The following NR3C2 variants were observed in gnomAD, a reference collection of about 807,000 sequenced individuals.
The protein encoded by NR3C2 is mineralocorticoid receptor.
Under a neutral mutation model 86.4 loss-of-function variants are expected in NR3C2, and 15 were observed. The observed-to-expected ratio is 0.17, with a 90% confidence interval of 0.12 to 0.27. NR3C2 has a LOEUF of 0.27. NR3C2 is among the 10% of genes least tolerant of loss of function. The pLI is 1.00. For synonymous variants in NR3C2, 458 were observed against 450.5 expected (o/e 1.02, Z -0.21); for missense variants, 960 against 1,195.6 (o/e 0.80, Z 2.91).
At chr4:148,205,748 A>T (rs528378285) in intron 3 of NR3C2, among the ~76,000 whole-genome samples, 1 of 152,304 alleles carries the variant, frequency 6.6e-6, no homozygotes, top group East Asian at 1.9e-4. Flanking sequence ...TACAGAAGAG[A>T]AAGTAACTAT....
chr4:148,171,686 C>A (rs1227613693), intron 4 of NR3C2, among the ~76,000 whole-genome samples: 1 of 152,220 alleles, frequency 6.6e-6, no homozygotes. Flanking sequence ...CAGTTCCTAA[C>A]AGGTCAGGGA....
intron 6 of NR3C2, among the ~76,000 whole-genome samples, chr4:148,136,069 AAAAAAAAC>A (rs1733309153): frequency 3.2e-4 from 28 of 87,070 alleles, no homozygotes; most frequent in African/African-American, 1.1e-3. Context: ...AAAAAAAAAA[AAAAAAAAC>A]AAAAAAAAAA....
intron 2 of NR3C2, among the ~76,000 whole-genome samples, chr4:148,426,082 C>T (rs1349941649): frequency 6.6e-6 from 1 of 152,146 alleles, no homozygotes; most frequent in African/African-American, 2.4e-5. Context: ...AAACAAAATC[C>T]TTACTCTGAA....
chr4:148,386,669 G>A (rs1414001742), intron 2 of NR3C2, among the ~76,000 whole-genome samples: 1 of 152,132 alleles, frequency 6.6e-6, no homozygotes, highest in African/African-American at 2.4e-5. Flanking sequence ...CTAGGGTCAG[G>A]CCCCGCGGTC....
At chr4:148,286,523 A>T (rs1324630779) in intron 2 of NR3C2, among the ~76,000 whole-genome samples, 1 of 152,244 alleles carries the variant, frequency 6.6e-6, no homozygotes, top group Non-Finnish European at 1.5e-5. Flanking sequence ...TAATTCATTA[A>T]GTAAAATAGC....
intron 2 of NR3C2, among the ~76,000 whole-genome samples, chr4:148,326,825 T>C (rs1743992925): frequency 1.3e-5 from 2 of 152,314 alleles, no homozygotes; most frequent in South Asian, 4.1e-4. Context: ...AGGTATTCCA[T>C]TGTCTAATTC....
intron 2 of NR3C2, among the ~76,000 whole-genome samples, chr4:148,320,293 T>G (rs9654229): frequency 2.8e-5 from 2 of 71,804 alleles, no homozygotes; most frequent in Non-Finnish European, 5.0e-5. Flanking sequence ...TTTTATTGAG[T>G]ATTTTTGCAT....
intron 3 of NR3C2, among the ~76,000 whole-genome samples, chr4:148,195,185 C>T (rs1049300906): frequency 1.3e-5 from 2 of 152,242 alleles, no homozygotes; most frequent in African/African-American, 4.8e-5. Context: ...ATCACAACAG[C>T]ACCAATCTAA....
intron 4 of NR3C2, among the ~76,000 whole-genome samples, chr4:148,178,454 T>C (rs576730360): frequency 6.6e-6 from 1 of 151,840 alleles, no homozygotes; most frequent in African/African-American, 2.4e-5. Context: ...AATACGTAAA[T>C]AAAAATTAGG....
rs1561015048 is a variant in NR3C2, at chr4:148,278,114, TTG to T, written c.1758-17999_1758-17998del. On this transcript the variant is annotated intron_variant, in intron 2 of 8. Transcript: ENST00000358102. ...GTTTTTTGTTTGTTTGTTTGTTTGT[TTG>T]TTTGAGACAGGTTCTCGCTCTGTTA... Among the ~76,000 whole-genome samples the T allele has an allele frequency of 1.3e-4, 5 of 39,614 alleles. No individual in the cohort carries two copies. In the African/African-American group the frequency reaches 1.4e-3, roughly 11 times the overall value. The allele number at this position is 39,614 out of a possible 152,430, so 26.0% of individuals were successfully genotyped here.
At chr4:148,238,285 G>A (rs1433656833) in intron 3 of NR3C2, among the ~76,000 whole-genome samples, 1 of 152,064 alleles carries the variant, frequency 6.6e-6, no homozygotes, top group Non-Finnish European at 1.5e-5. Flanking sequence ...GATCCTGTAA[G>A]ACAAAAATAA....
rs1222229969 is a variant in NR3C2 at position 148,436,566 on chromosome 4, C to T, written c.295G>A (p.Ala99Thr). The T allele has an allele frequency of 3.1e-6, 5 of 1,614,214 alleles. No individual in the cohort carries two copies. Among genetic ancestry groups the T allele is most frequent in the Non-Finnish European group, 4.2e-6 (5 of 1,180,040 alleles). The stretch of plus-strand genomic sequence containing the variant: ...AAACCCATGGACTCAGCTACAGTTG[C>T]TGAAAGTTCCTTAGATTCCAGCTCA... ...KTELESKELS[A>T]TVAESMGLYM... The change falls in exon 2 of 9, where the codon GCA becomes ACA. Residue 99 changes from alanine to threonine, a missense_variant. By Grantham distance (58) the Ala-to-Thr change is moderately conservative. Transcript: ENST00000358102.
chr4:148,144,908 A>T (rs1049971595), intron 6 of NR3C2, among the ~76,000 whole-genome samples: 1 of 152,214 alleles, frequency 6.6e-6, no homozygotes, highest in African/African-American at 2.4e-5. Flanking sequence ...GTAGGAATGA[A>T]GAGAGCCAGA....
chr4:148,083,673 A>T (rs1015777156), intron 8 of NR3C2, among the ~76,000 whole-genome samples: 17 of 152,202 alleles, frequency 1.1e-4, no homozygotes, highest in Admixed American at 3.3e-4. Context: ...GGAACAAAAC[A>T]GGATGGAGAA....
intron 2 of NR3C2, among the ~76,000 whole-genome samples, chr4:148,362,057 C>G (rs1745865240): frequency 6.6e-6 from 1 of 152,130 alleles, no homozygotes; most frequent in South Asian, 2.1e-4. Context: ...AGGCTGGTCT[C>G]AAATTCCTTA....
chr4:148,094,465 G>A (rs34317333), intron 8 of NR3C2, among the ~76,000 whole-genome samples: 5 of 152,206 alleles, frequency 3.3e-5, no homozygotes, highest in Admixed American at 3.3e-4. Flanking sequence ...TGTAATCCTA[G>A]CACTTTGGGA....
intron 2 of NR3C2, among the ~76,000 whole-genome samples, chr4:148,374,775 T>A (rs1447269834): frequency 6.6e-6 from 1 of 152,190 alleles, no homozygotes; most frequent in African/African-American, 2.4e-5. Context: ...TCCCAGTAAC[T>A]GGTAGAGCAG....
At chr4:148,121,280 G>T (rs910110308) in intron 6 of NR3C2, among the ~76,000 whole-genome samples, 9 of 152,088 alleles carry the variant, frequency 5.9e-5, no homozygotes, top group Admixed American at 5.9e-4. Context: ...GGATTCTGGG[G>T]CTCCCCTCAA....
intron 2 of NR3C2, among the ~76,000 whole-genome samples, chr4:148,379,782 T>G (rs751181168): frequency 2.0e-5 from 3 of 152,168 alleles, no homozygotes; most frequent in East Asian, 1.9e-4. Flanking sequence ...TTAACGATAA[T>G]AAGAAGCAGG....
Sources: allele counts gnomAD v4.1 joint callset (sites outside exome capture counted in the v4.1 genomes callset), GRCh38; gene constraint gnomAD v4.1.1; transcripts MANE v1.5; gene names NCBI Gene and HGNC (gene_info 2026-07-23, HGNC 2026-07-21).